The following CLCN7 variants were observed in gnomAD, a reference collection of about 807,000 sequenced individuals.
CLCN7 encodes H(+)/Cl(-) exchange transporter 7.
Under a neutral mutation model 102.1 loss-of-function variants are expected in CLCN7, and 60 were observed. That is an observed-to-expected ratio of 0.59 (90% CI 0.48 to 0.73). The LOEUF is 0.73. CLCN7 is among the 30% of genes least tolerant of loss of function. CLCN7 has a pLI of 0.00. For missense variants in CLCN7, 962 were observed against 1,125.7 expected, an observed-to-expected ratio of 0.85 and a Z score of 2.08; for synonymous variants, 560 against 490.5, an observed-to-expected ratio of 1.14 and a Z score of -1.87.
At chr16:1,451,946 C>CA (rs1004333625) in intron 15 of CLCN7, 1 of 543,874 alleles carries the variant, frequency 1.8e-6, no homozygotes, top group Non-Finnish European at 3.4e-6. Context: ...GGCCTAGGCC[C>CA]AGCAGGGGGC....
In CLCN7 at chr16:1,465,754, C is replaced by T. The variant is rs545938880; in HGVS notation, c.142-416G>A. 8.8e-4 allele frequency among the ~76,000 whole-genome samples: 134 copies of T among 152,366 alleles called. 4 individuals carry two copies. In the South Asian group the frequency reaches 0.016, roughly 18 times the overall value. ...CCTGCCACCTCCACAGAGTCACCTCCACTGCAGCCTCTCTGGGTCTTGAGA... is the reference window on the plus strand; with the variant it reads ...CCTGCCACCTCCACAGAGTCACCTCTACTGCAGCCTCTCTGGGTCTTGAGA... On this transcript the variant is annotated intron_variant, in intron 1 of 24. Coordinates refer to ENST00000382745, the MANE Select transcript of CLCN7 (RefSeq NM_001287.6).
intron 14 of CLCN7, among the ~76,000 whole-genome samples, chr16:1,453,257 C>A (rs186352011): frequency 6.1e-4 from 93 of 152,254 alleles, no homozygotes; most frequent in African/African-American, 2.2e-3. Flanking sequence ...AGGTGATCCA[C>A]CCGCCTCGGC....
chr16:1,450,485 G>C lies in CLCN7; in HGVS notation c.1617+12C>G, dbSNP rs769625337. The stretch of plus-strand genomic sequence containing the variant: ...TGCAGGGCCCCACAGCCTCCCCTCC[G>C]GCCCCACTCACCGCCGCCCCCGTGA... On this transcript the variant is annotated intron_variant, in intron 17 of 24. Transcript: ENST00000382745. 1.3e-6 allele frequency: 2 copies of C among 1,589,108 alleles called. No homozygotes were observed. The highest frequency in any genetic ancestry group is 1.3e-5 in the African/African-American group (1 of 74,558).
chr16:1,453,941 G>C (rs377643089), intron 13 of CLCN7, 47 bp from the exon 14 acceptor site: 771 of 1,587,590 alleles, frequency 4.9e-4, no homozygotes, highest in Non-Finnish European at 6.2e-4. Context: ...GGAAAAGTGC[G>C]GGCCTCCGCC....
chr16:1,464,972 C>T (rs564701907), intron 2 of CLCN7, among the ~76,000 whole-genome samples: 3 of 152,080 alleles, frequency 2.0e-5, no homozygotes, highest in Admixed American at 6.5e-5. Flanking sequence ...CACTGCCCCC[C>T]CAAGATCCCT....
In CLCN7 at chr16:1,445,340, G is replaced by A. The variant is rs947968376; in HGVS notation, c.*1291C>T. The A allele has an allele frequency of 2.6e-5, 4 of 152,364 alleles. No individual in the cohort carries two copies. Among genetic ancestry groups the A allele is most frequent in the East Asian group, 1.9e-4 (1 of 5,200 alleles). The allele number at this position is 152,364 out of a possible 1,614,324, so 9.4% of individuals were successfully genotyped here. On this transcript the variant is annotated 3_prime_UTR_variant, in exon 25 of 25. Coordinates refer to ENST00000382745, the MANE Select transcript of CLCN7 (RefSeq NM_001287.6). ...GGGAGGGACGACGCTGGCAAAGGCG[G>A]GCTGAGAGGATTTCTTTATTTCGCG...
Position 1,461,312 on chromosome 16 carries a change from G to A in CLCN7, c.351+93C>T. On this transcript the variant is annotated intron_variant, in intron 4 of 24. Coordinates refer to ENST00000382745, the MANE Select transcript of CLCN7 (RefSeq NM_001287.6). ...GGAGTCAGAGGAGGAGGGAGGAGGT[G>A]CGTCACCTCACCCCGGCAGAAGAGC... 1.3e-5 allele frequency: 14 copies of A among 1,109,080 alleles called. No individual in the cohort carries two copies. In the South Asian group the frequency reaches 1.7e-4, roughly 14 times the overall value. 68.7% of individuals were successfully genotyped at this position (1,109,080 alleles called of 1,614,324 possible).
rs2038933860 is a variant in CLCN7 at position 1,461,386 on chromosome 16, G to A, written c.351+19C>T. The A allele has an allele frequency of 1.3e-6, 2 of 1,547,434 alleles. No homozygotes were observed. The highest frequency in any genetic ancestry group is 1.7e-6 in the Non-Finnish European group (2 of 1,145,860). On this transcript the variant is annotated intron_variant, in intron 4 of 24. Transcript: ENST00000382745. ...GGCCCCGCACCGTGGGGCCCTGCAGGGAGCGGCGTCCAGCTCACCGTGTGA... is the reference window on the plus strand; with the variant it reads ...GGCCCCGCACCGTGGGGCCCTGCAGAGAGCGGCGTCCAGCTCACCGTGTGA...
rs1196810675 is a variant in CLCN7, at chr16:1,459,404, C to A, written c.595-217G>T. ...GGGAGAGCAGCGCACACGTCGGGGCCCCAGGGAAGGGGAGCTCAGCACACA... is the reference window on the plus strand; with the variant it reads ...GGGAGAGCAGCGCACACGTCGGGGCACCAGGGAAGGGGAGCTCAGCACACA... On this transcript the variant is annotated intron_variant, in intron 6 of 24. Coordinates refer to ENST00000382745, the MANE Select transcript of CLCN7 (RefSeq NM_001287.6). 456 of 497,350 alleles carry A rather than the reference C, an allele frequency of 9.2e-4. 15 individuals are homozygous for A. The highest frequency in any genetic ancestry group is 2.1e-3 in the South Asian group (95 of 45,244). 30.8% of individuals were successfully genotyped at this position (497,350 alleles called of 1,614,324 possible). A position where few individuals can be genotyped will look rare whatever the true frequency, so the allele number is the denominator to read the frequency against.
chr16:1,456,414 C>CT (rs2038836295), intron 9 of CLCN7, among the ~76,000 whole-genome samples: 1 of 152,238 alleles, frequency 6.6e-6, no homozygotes, highest in African/African-American at 2.4e-5. Context: ...CAGGGAAACA[C>CT]GCAAACACCC....
intron 21 of CLCN7, 61 bp downstream of exon 21, chr16:1,448,294 C>T (rs897313953): frequency 4.7e-5 from 76 of 1,600,824 alleles, no homozygotes; most frequent in Admixed American, 1.7e-4. Flanking sequence ...CCGTGTGCTT[C>T]CCACCAATGG....
At chr16:1,471,724 C>T (rs1387772865) in intron 1 of CLCN7, 1 of 152,266 alleles carries the variant, frequency 6.6e-6, no homozygotes, top group African/African-American at 2.4e-5. Flanking sequence ...AGGCTACAGG[C>T]CTTGCAGGAG....
chr16:1,464,597 C>T (rs1166143776), intron 2 of CLCN7, among the ~76,000 whole-genome samples: 2 of 152,244 alleles, frequency 1.3e-5, no homozygotes, highest in Admixed American at 6.5e-5. Context: ...GAAGAGCACC[C>T]GGACAGGTGG....
At chr16:1,465,757 T>C (rs1380945889) in intron 1 of CLCN7, among the ~76,000 whole-genome samples, 1 of 152,220 alleles carries the variant, frequency 6.6e-6, no homozygotes, top group Non-Finnish European at 1.5e-5. Context: ...TCACCTCCAC[T>C]GCAGCCTCTC....
Position 1,461,611 on chromosome 16 carries a change from T to A in CLCN7, c.277A>T (p.Lys93Ter). The A allele has an allele frequency of 4.3e-6, 7 of 1,614,012 alleles. No homozygotes were observed. The highest frequency in any genetic ancestry group is 5.9e-6 in the Non-Finnish European group (7 of 1,179,986). ...GACAGAAGGACGCCCACCTCATACT[T>A]GAGGGACAGGAGCTTCTCGTTGTGT... Reference protein sequence around the residue: ...IPHNEKLLSLKYESLDYDNSE... With the variant: ...IPHNEKLLSL Residue 93 changes from lysine (K) to a stop codon, truncating the protein, a stop_gained, in exon 3 of 25, where the codon AAG (lysine) becomes TAG (stop). Transcript: ENST00000382745. LOFTEE classifies it high-confidence loss of function.
chr16:1,465,066 C>A (rs2038986353), intron 2 of CLCN7, among the ~76,000 whole-genome samples: 1 of 152,210 alleles, frequency 6.6e-6, no homozygotes, highest in African/African-American at 2.4e-5. Context: ...CTGCGCCCTG[C>A]ACTCCTCCGT....
chr16:1,455,425 G>A, intron 11 of CLCN7, 175 bp from the exon 12 acceptor site: 1 of 681,618 alleles, frequency 1.5e-6, no homozygotes, highest in Non-Finnish European at 2.6e-6. Flanking sequence ...TGCGGGCAAG[G>A]AGCGGCCCAG....
intron 1 of CLCN7, among the ~76,000 whole-genome samples, chr16:1,469,073 G>A (rs1401432346): frequency 4.6e-5 from 7 of 151,706 alleles, no homozygotes; most frequent in Non-Finnish European, 8.8e-5. Context: ...GGGCATGGTG[G>A]TGCACACCTG....
intron 2 of CLCN7, among the ~76,000 whole-genome samples, chr16:1,463,707 A>T (rs1166376577): frequency 6.6e-6 from 1 of 151,600 alleles, no homozygotes; most frequent in Non-Finnish European, 1.5e-5. Context: ...TGATCTCCAA[A>T]TCCTGGGCTG....
Sources: gnomAD v4.1 joint callset for allele counts (sites outside exome capture counted in the v4.1 genomes callset) on GRCh38, gnomAD v4.1.1 for gene constraint, MANE v1.5 for transcripts, NCBI Gene and HGNC (gene_info 2026-07-23, HGNC 2026-07-21) for gene names.